CSN1S1: variants seen among roughly 807,000 people sequenced by gnomAD.
CSN1S1 encodes the protein alpha-S1-casein.
Under a neutral mutation model 49.1 loss-of-function variants are expected in CSN1S1, and 63 were observed. The observed-to-expected ratio is 1.28, with a 90% CI of 1.05 to 1.58. The LOEUF is 1.58. Ranked by LOEUF, CSN1S1 falls within the 40% of genes most tolerant of loss-of-function variation. The pLI is 0.00. For missense variants in CSN1S1, 260 were observed against 224.7 expected (o/e 1.16, Z -1.01); for synonymous variants, 78 against 67.1 (o/e 1.16, Z -0.79).
intron 14 of CSN1S1, among the ~76,000 whole-genome samples, chr4:69,943,818 C>T (rs1385124447): frequency 6.6e-6 from 1 of 151,888 alleles, no homozygotes; most frequent in Non-Finnish European, 1.5e-5. Context: ...ACAAACTCAC[C>T]CTTGCAACAG....
rs112393983 is a variant in CSN1S1, at chr4:69,940,434, A to G, written c.300+390A>G. 4.6e-5 allele frequency among the ~76,000 whole-genome samples: 7 copies of G among 151,848 alleles called. 1 individual carries two copies. The highest frequency in any genetic ancestry group is 1.7e-4 in the African/African-American group (7 of 41,510). On this transcript the variant is annotated intron_variant, in intron 11 of 15. Coordinates refer to ENST00000246891, the MANE Select transcript of CSN1S1 (RefSeq NM_001890.2). ...TCCTTTTGAATCTACATAACATAGT[A>G]TTTAAGTGGCAGTCTATAGATCTGG...
chr4:69,934,817 C>A, intron 4 of CSN1S1, 107 bp downstream of exon 4: 1 of 947,958 alleles, frequency 1.1e-6, no homozygotes, highest in Non-Finnish European at 1.6e-6. Flanking sequence ...TATTTCCCTT[C>A]AAATGCATCC....
At chr4:69,934,579 T>A (rs1353970938) in intron 3 of CSN1S1, 111 bp from the exon 4 acceptor site, 8 of 915,476 alleles carry the variant, frequency 8.7e-6, no homozygotes, top group Admixed American at 6.5e-5. Context: ...TCATTTGATA[T>A]GTTGAATCTT....
At position 69,946,490 on chromosome 4, in the gene CSN1S1, C is replaced by T. The variant is rs1723171281; in HGVS notation, c.*294C>T. On this transcript the variant is annotated 3_prime_UTR_variant, in exon 16 of 16. Coordinates refer to ENST00000246891, the MANE Select transcript of CSN1S1 (RefSeq NM_001890.2). ...TTAAAAAGTCTTTGAATTGCCAGTT[C>T]TGTAAGTGCCATCAATTAAAATAGT... The T allele has an allele frequency of 5.4e-6, 1 of 183,828 alleles. No individual in the cohort carries two copies. Among genetic ancestry groups the T allele is most frequent in the Non-Finnish European group, 1.1e-5 (1 of 89,212 alleles). 11.4% of individuals were successfully genotyped at this position (183,828 alleles called of 1,614,324 possible).
chr4:69,932,712 A>G, intron 2 of CSN1S1, 106 bp downstream of exon 2: 1 of 1,015,564 alleles, frequency 9.8e-7, no homozygotes. Flanking sequence ...GCACTGGATG[A>G]TCTCTAATTG....
chr4:69,936,705 T>C (rs546145378), intron 7 of CSN1S1, 98 bp downstream of exon 7: 27 of 1,130,414 alleles, frequency 2.4e-5, no homozygotes, highest in Non-Finnish European at 3.3e-5. Context: ...TTCTATGGTT[T>C]TGTCCTTTCC....
chr4:69,943,188 T>C (rs1578137604), intron 14 of CSN1S1, among the ~76,000 whole-genome samples: 1 of 147,084 alleles, frequency 6.8e-6, no homozygotes. Context: ...TTATTATTAT[T>C]ATTATTATTA....
Position 69,944,897 on chromosome 4 carries a change from G to A in CSN1S1, c.450G>A (p.Trp150Ter). 2 of 1,612,812 alleles carry A rather than the reference G, an allele frequency of 1.2e-6. No homozygotes were observed. Among genetic ancestry groups the A allele is most frequent in the Non-Finnish European group, 1.7e-6 (2 of 1,179,238 alleles). The change falls in exon 15 of 16, where the codon TGG (tryptophan) becomes TGA (stop). Residue 150 changes from tryptophan to a stop codon, truncating the protein, a stop_gained. Coordinates refer to ENST00000246891, the MANE Select transcript of CSN1S1 (RefSeq NM_001890.2). LOFTEE classifies it high-confidence loss of function. The stretch of plus-strand genomic sequence containing the variant: ...TTGCTGCCTACCCCTATGCTGTTTG[G>A]TACTATCCACAAATCATGCAGTATG... ...NQLAAYPYAV[W>*]YYPQIMQYVP...
chr4:69,938,256 A>G (rs1722862896), intron 9 of CSN1S1, among the ~76,000 whole-genome samples: 1 of 151,784 alleles, frequency 6.6e-6, no homozygotes, highest in Non-Finnish European at 1.5e-5. Flanking sequence ...TTACATGAGT[A>G]TGTTAGACAC....
intron 10 of CSN1S1, 52 bp from the exon 11 acceptor site, chr4:69,939,969 T>C: frequency 9.6e-7 from 1 of 1,041,876 alleles, no homozygotes; most frequent in Non-Finnish European, 1.4e-6. Flanking sequence ...TAACTTTAAA[T>C]GTAAATTAAT....
intron 8 of CSN1S1, among the ~76,000 whole-genome samples, chr4:69,937,566 T>C (rs919877788): frequency 6.6e-6 from 1 of 151,620 alleles, no homozygotes; most frequent in African/African-American, 2.4e-5. Flanking sequence ...AAATGTAAAC[T>C]TGTTTTCACT....
chr4:69,935,086 T>G (rs1722727468), intron 4 of CSN1S1, among the ~76,000 whole-genome samples: 1 of 152,100 alleles, frequency 6.6e-6, no homozygotes, highest in Non-Finnish European at 1.5e-5. Flanking sequence ...AATGTGGTTT[T>G]TTGGTGTTTT....
chr4:69,937,221 A>G, intron 8 of CSN1S1, 77 bp downstream of exon 8: 2 of 1,078,214 alleles, frequency 1.9e-6, no homozygotes. Context: ...ATAAATTATT[A>G]TTTTAAATAA....
rs1442143759 is a variant in CSN1S1, at chr4:69,934,718, C to G, written c.105+8C>G. The G allele has an allele frequency of 5.6e-6, 9 of 1,608,494 alleles. No homozygotes were observed. In the South Asian group the frequency reaches 7.7e-5, roughly 14 times the overall value. ...CCATCAGAGAGCAGTGAGGTAAGCT[C>G]TGTTTATGGGGAGTCAGGATTCTCT... On this transcript the variant is annotated splice_region_variant and intron_variant, in intron 4 of 15. Coordinates refer to ENST00000246891, the MANE Select transcript of CSN1S1 (RefSeq NM_001890.2).
chr4:69,942,039 T>A lies in CSN1S1; in HGVS notation c.343-7T>A. On this transcript the variant is annotated splice_polypyrimidine_tract_variant and splice_region_variant and intron_variant, in intron 12 of 15. Transcript: ENST00000246891. ...AATACTAAAACAGAATGTTTTCTCC[T>A]CCCTAGCAAGCTGCCCATGCCCAGG... 6.8e-7 allele frequency: 1 copy of A among 1,460,810 alleles called. No individual in the cohort carries two copies. The highest frequency in any genetic ancestry group is 9.2e-7 in the Non-Finnish European group (1 of 1,082,844). The allele number at this position is 1,460,810 out of a possible 1,614,324, so 90.5% of individuals were successfully genotyped here.
chr4:69,943,648 GTAATT>G (rs1488197213), intron 14 of CSN1S1, among the ~76,000 whole-genome samples: 1 of 152,008 alleles, frequency 6.6e-6, no homozygotes, highest in Non-Finnish European at 1.5e-5. Flanking sequence ...CACAGACTAA[GTAATT>G]TATAATGAAC....
intron 4 of CSN1S1, 105 bp from the exon 5 acceptor site, chr4:69,935,821 T>G: frequency 1.3e-6 from 1 of 756,556 alleles, no homozygotes; most frequent in Non-Finnish European, 2.2e-6. Context: ...TTTGACTTAA[T>G]TGTTGAATAG....
intron 2 of CSN1S1, among the ~76,000 whole-genome samples, chr4:69,933,188 A>G (rs1248989967): frequency 6.6e-6 from 1 of 151,878 alleles, no homozygotes; most frequent in Admixed American, 6.6e-5. Context: ...GTGAATTAAA[A>G]TTACCTTTCT....
At chr4:69,931,699 A>AT (rs144648072) in intron 1 of CSN1S1, among the ~76,000 whole-genome samples, 37,996 of 151,694 alleles carry the variant, frequency 0.25, 5,150 homozygotes, top group South Asian at 0.34. Flanking sequence ...AGATTCTAAA[A>AT]TTTGTAGACT....
Sources: gnomAD v4.1 joint callset for allele counts (sites outside exome capture counted in the v4.1 genomes callset) on GRCh38, gnomAD v4.1.1 for gene constraint, MANE v1.5 for transcripts, NCBI Gene and HGNC (gene_info 2026-07-23, HGNC 2026-07-21) for gene names.